Variants in SESN3 observed in about 807,000 individuals in gnomAD.
SESN3 encodes the protein sestrin 3.
A neutral mutation model predicts 55.3 loss-of-function variants in SESN3; 21 were observed. The observed-to-expected ratio is 0.38, with a 90% CI of 0.27 to 0.55. The LOEUF (loss-of-function observed/expected upper bound fraction) is 0.55. Among genes scored for constraint, SESN3 ranks in the 20% least tolerant of loss-of-function variants. The pLI is 0.76. For synonymous variants in SESN3, 181 were observed against 203.1 expected (o/e 0.89, Z 0.93); for missense variants, 408 against 604.3 (o/e 0.68, Z 3.41).
At chr11:95,174,984 G>A (rs1212652055) in intron 9 of SESN3, among the ~76,000 whole-genome samples, 1 of 152,048 alleles carries the variant, frequency 6.6e-6, no homozygotes, top group East Asian at 1.9e-4. Flanking sequence ...CAGACATACT[G>A]AAATGTTGTA....
In SESN3 at chr11:95,230,104, G is replaced by C. The variant is rs1046461799; in HGVS notation, c.78+679C>G. ...TCTGGATCAACACGGGGGCAGGGGG[G>C]TGCTAAGGAGGAATAACCCACATCC... is the stretch of plus-strand genomic sequence containing the variant. On this transcript the variant is annotated intron_variant, in intron 1 of 9. Transcript: ENST00000536441. The surrounding 1 kb of genome is among the most constrained non-coding windows in gnomAD (Gnocchi z 4.6). 6.6e-6 allele frequency: 1 copy of C among 151,212 alleles called. No individual in the cohort carries two copies. The highest frequency in any genetic ancestry group is 1.5e-5 in the Non-Finnish European group (1 of 68,034). The allele number at this position is 151,212 out of a possible 1,614,324, so 9.4% of individuals were successfully genotyped here. A position where few individuals can be genotyped will look rare whatever the true frequency, so the allele number is the denominator to read the frequency against.
chr11:95,189,974 GAAA>G lies in SESN3; in HGVS notation c.343-16_343-14del. 1 of 1,563,132 alleles carries G rather than the reference GAAA, an allele frequency of 6.4e-7. No homozygotes were observed. The highest frequency in any genetic ancestry group is 8.6e-7 in the Non-Finnish European group (1 of 1,158,354). ...GTCTAGCTGCAGCCTAAAGCACAAA[GAAA>G]AAAATTCATTGATAAAAGAATCACA... On this transcript the variant is annotated splice_polypyrimidine_tract_variant and intron_variant, in intron 3 of 9. Coordinates refer to ENST00000536441, the MANE Select transcript of SESN3 (RefSeq NM_144665.4).
intron 1 of SESN3, among the ~76,000 whole-genome samples, chr11:95,195,130 A>G (rs1455954672): frequency 6.6e-6 from 1 of 152,184 alleles, no homozygotes; most frequent in Non-Finnish European, 1.5e-5. Context: ...GAGAACATGT[A>G]GGGGGAGCAA....
chr11:95,204,257 T>A (rs2134247853), intron 1 of SESN3, among the ~76,000 whole-genome samples: 1 of 152,232 alleles, frequency 6.6e-6, no homozygotes, highest in East Asian at 1.9e-4. Context: ...ACTTGAAATT[T>A]TTATAATTTT....
At chr11:95,199,342 T>C (rs574806618) in intron 1 of SESN3, among the ~76,000 whole-genome samples, 1 of 152,224 alleles carries the variant, frequency 6.6e-6, no homozygotes, top group South Asian at 2.1e-4. Flanking sequence ...GGAAAATTTA[T>C]TTTTACAGAT....
intron 1 of SESN3, among the ~76,000 whole-genome samples, chr11:95,219,056 T>G (rs772296276): frequency 6.6e-6 from 1 of 152,222 alleles, no homozygotes; most frequent in Non-Finnish European, 1.5e-5. Context: ...AATAATGCAC[T>G]TTGCCTAAAG....
intron 1 of SESN3, among the ~76,000 whole-genome samples, chr11:95,200,649 C>T (rs1443840053): frequency 3.3e-5 from 5 of 151,994 alleles, no homozygotes; most frequent in South Asian, 2.1e-4. Flanking sequence ...TGGGGAATCT[C>T]ATCTAATCCT....
chr11:95,182,181 G>A, intron 6 of SESN3: 1 of 324,862 alleles, frequency 3.1e-6, no homozygotes, highest in Non-Finnish European at 6.1e-6. Context: ...AGACCTAAGA[G>A]AAATAAAACA....
intron 1 of SESN3, among the ~76,000 whole-genome samples, chr11:95,216,697 T>C (rs1860763327): frequency 6.6e-6 from 1 of 151,716 alleles, no homozygotes; most frequent in Non-Finnish European, 1.5e-5. Context: ...AATCTAATAA[T>C]TAGTAAAGGA....
chr11:95,210,546 G>A (rs1047831034), intron 1 of SESN3, among the ~76,000 whole-genome samples: 3 of 152,050 alleles, frequency 2.0e-5, no homozygotes, highest in African/African-American at 7.2e-5. Flanking sequence ...TAAGGTGGAG[G>A]GTAGATGTTT....
chr11:95,177,983 T>A, intron 7 of SESN3, 74 bp from the exon 8 acceptor site: 1 of 1,044,780 alleles, frequency 9.6e-7, no homozygotes, highest in Non-Finnish European at 1.4e-6. Context: ...TAAATATAAC[T>A]AATGAAGCAA....
chr11:95,213,001 TG>T (rs1860687152), intron 1 of SESN3, among the ~76,000 whole-genome samples: 1 of 152,220 alleles, frequency 6.6e-6, no homozygotes. Context: ...ATAAAATATG[TG>T]TTTATTGCTA....
chr11:95,192,247 A>G lies in SESN3; in HGVS notation c.145-646T>C, dbSNP rs185526981. On this transcript the variant is annotated intron_variant, in intron 2 of 9. Coordinates refer to ENST00000536441, the MANE Select transcript of SESN3 (RefSeq NM_144665.4). Reference sequence around the variant, plus strand: ...GACATTCTCCATCCTAGGAAATCAAAAGAGTTTTCTCAAAAATAGATTATT... The same window carrying G: ...GACATTCTCCATCCTAGGAAATCAAGAGAGTTTTCTCAAAAATAGATTATT... 3.0e-3 allele frequency among the ~76,000 whole-genome samples: 451 copies of G among 152,172 alleles called. 1 individual carries two copies. Among genetic ancestry groups the G allele is most frequent in the Non-Finnish European group, 4.9e-3 (333 of 67,992 alleles).
intron 1 of SESN3, among the ~76,000 whole-genome samples, chr11:95,218,219 T>A (rs1460841536): frequency 6.6e-6 from 1 of 152,232 alleles, no homozygotes; most frequent in Non-Finnish European, 1.5e-5. Context: ...TGTGCTTATG[T>A]GTATGGCCTG....
intron 1 of SESN3, chr11:95,201,079 T>C (rs911218836): frequency 2.0e-5 from 3 of 152,048 alleles, no homozygotes; most frequent in East Asian, 1.9e-4. Flanking sequence ...TGTTTTTCTA[T>C]TTCACTTTTC....
chr11:95,185,042 G>C (rs1860137818), intron 5 of SESN3, among the ~76,000 whole-genome samples: 1 of 151,862 alleles, frequency 6.6e-6, no homozygotes. Context: ...TCACTGTTTA[G>C]TCTTTATGAT....
chr11:95,181,675 C>T (rs536099146), intron 6 of SESN3, among the ~76,000 whole-genome samples: 2 of 152,068 alleles, frequency 1.3e-5, no homozygotes, highest in Non-Finnish European at 2.9e-5. Flanking sequence ...CAGAATATGA[C>T]CCCTGTAGAA....
chr11:95,178,974 T>C, intron 6 of SESN3, 146 bp from the exon 7 acceptor site: 3 of 528,014 alleles, frequency 5.7e-6, no homozygotes, highest in Non-Finnish European at 1.0e-5. Context: ...ATAAAATATC[T>C]ACTGCTAAAG....
At chr11:95,195,737 T>C (rs1157196916) in intron 1 of SESN3, among the ~76,000 whole-genome samples, 1 of 152,198 alleles carries the variant, frequency 6.6e-6, no homozygotes, top group African/African-American at 2.4e-5. Context: ...ATAGTTTCTT[T>C]AGGAAGATTC....
Sources: gnomAD v4.1 joint callset for allele counts (sites outside exome capture counted in the v4.1 genomes callset) on GRCh38, gnomAD v4.1.1 for gene constraint, Gnocchi (gnomAD v3.1) non-coding constraint, MANE v1.5 for transcripts, NCBI Gene and HGNC (gene_info 2026-07-23, HGNC 2026-07-21) for gene names.